Variants in SNX31 observed in about 807,000 individuals in gnomAD.
SNX31 encodes sorting nexin-31.
A neutral mutation model predicts 65.4 loss-of-function variants in SNX31; 58 were observed. The ratio of observed to expected loss-of-function variants is 0.89; its 90% CI spans 0.72 to 1.10. The LOEUF (loss-of-function observed/expected upper bound fraction) is 1.10, where lower values mean the gene tolerates loss of function less well. SNX31 is among the 50% of genes least tolerant of loss of function. The pLI is 0.00. For missense variants in SNX31, 523 were observed against 529.7 expected, an observed-to-expected ratio of 0.99 and a Z score of 0.12; for synonymous variants, 181 against 190.1, an observed-to-expected ratio of 0.95 and a Z score of 0.39.
At position 100,573,548 on chromosome 8, in the gene SNX31, G is replaced by A. The variant is rs1163079110; in HGVS notation, c.*317C>T. On this transcript the variant is annotated 3_prime_UTR_variant, in exon 14 of 14. Transcript: ENST00000311812. ...ATCTATTTTAGAGAAAAAATAGAATGAGTTTTATATGAGTTGATTTGAATT... is the reference window on the plus strand; with the variant it reads ...ATCTATTTTAGAGAAAAAATAGAATAAGTTTTATATGAGTTGATTTGAATT... 1.6e-5 allele frequency: 3 copies of A among 191,226 alleles called. No homozygotes were observed. Among genetic ancestry groups the A allele is most frequent in the African/African-American group, 4.6e-5 (2 of 43,028 alleles). 11.8% of individuals were successfully genotyped at this position (191,226 alleles called of 1,614,324 possible).
chr8:100,589,317 A>G (rs983131242), intron 10 of SNX31, among the ~76,000 whole-genome samples: 21 of 151,950 alleles, frequency 1.4e-4, no homozygotes, highest in Admixed American at 1.3e-4. Flanking sequence ...AAAAAAAAAA[A>G]AGCCCATTAA....
intron 3 of SNX31, among the ~76,000 whole-genome samples, chr8:100,631,909 A>T (rs77422481): frequency 6.6e-6 from 1 of 152,214 alleles, no homozygotes; most frequent in African/African-American, 2.4e-5. Flanking sequence ...TATTCACCCA[A>T]CTGGTATTTA....
chr8:100,636,077 A>G, intron 2 of SNX31, 66 bp from the exon 3 acceptor site: 1 of 1,208,526 alleles, frequency 8.3e-7, no homozygotes, highest in East Asian at 2.4e-5. Flanking sequence ...GAGATTACTA[A>G]AGTCTCCTTT....
Position 100,614,555 on chromosome 8 carries a change from G to C in SNX31, c.433-1470C>G, listed in dbSNP as rs1817003397. Among the ~76,000 whole-genome samples, 1 of 152,148 alleles carries C rather than the reference G, an allele frequency of 6.6e-6. No individual in the cohort carries two copies. Among genetic ancestry groups the C allele is most frequent in the Non-Finnish European group, 1.5e-5 (1 of 68,038 alleles). ...CATCACTAGCACCACAGTAGTCCTA[G>C]ATTTTAGCTTGCTGCTGGCCCTTAA... On this transcript the variant is annotated intron_variant, in intron 5 of 13. Coordinates refer to ENST00000311812, the MANE Select transcript of SNX31 (RefSeq NM_152628.4). This position sits in a 1 kb window ranked among gnomAD's most constrained non-coding sequence, Gnocchi z 5.1.
intron 4 of SNX31, among the ~76,000 whole-genome samples, chr8:100,624,702 T>C (rs1353632371): frequency 6.6e-6 from 1 of 152,218 alleles, no homozygotes; most frequent in Non-Finnish European, 1.5e-5. Flanking sequence ...ATTCACAAAA[T>C]TAATGAAATG....
intron 2 of SNX31, among the ~76,000 whole-genome samples, chr8:100,639,203 T>C (rs1411604809): frequency 6.6e-6 from 1 of 152,192 alleles, no homozygotes; most frequent in East Asian, 1.9e-4. Flanking sequence ...AGCTTCGTGT[T>C]TGCAAATATT....
At chr8:100,635,799 A>T in intron 3 of SNX31, 98 bp downstream of exon 3, 1 of 751,586 alleles carries the variant, frequency 1.3e-6, no homozygotes, top group Non-Finnish European at 2.2e-6. Context: ...TTACATAAAT[A>T]TATTGTAAAA....
At chr8:100,644,613 C>T (rs969014130) in intron 2 of SNX31, among the ~76,000 whole-genome samples, 8 of 152,204 alleles carry the variant, frequency 5.3e-5, no homozygotes, top group Non-Finnish European at 7.3e-5. Context: ...GCGCAGGTCA[C>T]AGCAGAGCCC....
At chr8:100,618,470 ACAATT>A (rs1817429159) in intron 4 of SNX31, 2 of 684,716 alleles carry the variant, frequency 2.9e-6, no homozygotes, top group Admixed American at 2.5e-5. Context: ...TGGCTGTCCA[ACAATT>A]CAATTCAATT....
chr8:100,640,967 A>G (rs949550625), intron 2 of SNX31, among the ~76,000 whole-genome samples: 1 of 152,200 alleles, frequency 6.6e-6, no homozygotes, highest in Admixed American at 6.5e-5. Context: ...ATGTATCAAT[A>G]CTGATTTGTT....
intron 2 of SNX31, among the ~76,000 whole-genome samples, chr8:100,647,566 T>C (rs1819722812): frequency 6.6e-6 from 1 of 152,192 alleles, no homozygotes. Flanking sequence ...TTGCTGAGCA[T>C]ATATTATGTA....
rs1375885941 is a variant in SNX31, at chr8:100,576,509, T to C, written c.1227+510A>G. On this transcript the variant is annotated intron_variant, in intron 13 of 13. Transcript: ENST00000311812. This position sits in a 1 kb window ranked among gnomAD's most constrained non-coding sequence, Gnocchi z 4.8. ...TTTCCTCAACTTATTTATAGGGCTG[T>C]GAAGGAATGTGTTAATTCACATAAA... Among the ~76,000 whole-genome samples the C allele has an allele frequency of 6.6e-6, 1 of 152,182 alleles. No homozygotes were observed. Among genetic ancestry groups the C allele is most frequent in the East Asian group, 1.9e-4 (1 of 5,200 alleles).
At chr8:100,598,993 C>T (rs1815365697) in intron 9 of SNX31, among the ~76,000 whole-genome samples, 1 of 152,194 alleles carries the variant, frequency 6.6e-6, no homozygotes, top group Non-Finnish European at 1.5e-5. Flanking sequence ...CATTTCACTT[C>T]CAAGTTTTCT....
intron 3 of SNX31, 121 bp downstream of exon 3, chr8:100,635,776 G>T (rs193056948): frequency 1.1e-4 from 73 of 647,764 alleles, no homozygotes; most frequent in Non-Finnish European, 1.8e-4. Context: ...TACGGTAATG[G>T]TCGCACAATT....
At chr8:100,603,186 G>A (rs1264634004) in intron 8 of SNX31, among the ~76,000 whole-genome samples, 5 of 152,104 alleles carry the variant, frequency 3.3e-5, no homozygotes, top group Admixed American at 1.3e-4. Context: ...CAGACCATAC[G>A]AGAAAGCATG....
rs1818250853 is a variant in SNX31, at chr8:100,629,065, T to C, written c.321+1262A>G. Among the ~76,000 whole-genome samples, 1 of 152,168 alleles carries C rather than the reference T, an allele frequency of 6.6e-6. No individual in the cohort carries two copies. The highest frequency in any genetic ancestry group is 2.1e-4 in the South Asian group (1 of 4,828). On this transcript the variant is annotated intron_variant, in intron 4 of 13. Coordinates refer to ENST00000311812, the MANE Select transcript of SNX31 (RefSeq NM_152628.4). The surrounding 1 kb of genome is among the most constrained non-coding windows in gnomAD (Gnocchi z 5.1). ...GGCTCTACCATCTAGGTTTGTGGTG[T>C]TCACACAATGACAAAATCGCCTAAT...
At chr8:100,586,645 T>C (rs1235070373) in intron 11 of SNX31, among the ~76,000 whole-genome samples, 1 of 152,220 alleles carries the variant, frequency 6.6e-6, no homozygotes, top group Non-Finnish European at 1.5e-5. Context: ...CCCAAAGATG[T>C]TTCATACTTA....
At chr8:100,643,117 G>A (rs376932704) in intron 2 of SNX31, among the ~76,000 whole-genome samples, 1 of 25,248 alleles carries the variant, frequency 4.0e-5, no homozygotes, top group Non-Finnish European at 6.1e-5. Context: ...CTTGAACTTG[G>A]GGGGGGTGGA....
At chr8:100,608,756 G>A (rs570637675) in intron 7 of SNX31, among the ~76,000 whole-genome samples, 193 bp from the exon 8 acceptor site, 278 of 152,246 alleles carry the variant, frequency 1.8e-3, no homozygotes, top group Non-Finnish European at 1.9e-3. Context: ...TACACCGTAA[G>A]CTCTTGCCTG....
Sources: gnomAD v4.1 joint callset for allele counts (sites outside exome capture counted in the v4.1 genomes callset) on GRCh38, gnomAD v4.1.1 for gene constraint, Gnocchi (gnomAD v3.1) non-coding constraint, MANE v1.5 for transcripts, NCBI Gene and HGNC (gene_info 2026-07-23, HGNC 2026-07-21) for gene names.